Variants in ACSM3 observed in about 807,000 individuals in gnomAD.
ACSM3 encodes acyl-CoA synthetase medium chain family member 3.
Under a neutral mutation model 74.1 loss-of-function variants are expected in ACSM3, and 61 were observed. The observed-to-expected ratio is 0.82, with a 90% CI of 0.67 to 1.02. The LOEUF (loss-of-function observed/expected upper bound fraction) is 1.02, where lower values mean the gene tolerates loss of function less well. Among genes scored for constraint, ACSM3 ranks in the 50% least tolerant of loss-of-function variants. The pLI is 0.00. For synonymous variants in ACSM3, 213 were observed against 241.5 expected, an observed-to-expected ratio of 0.88 and a Z score of 1.09; for missense variants, 660 against 697.0, an observed-to-expected ratio of 0.95 and a Z score of 0.60.
upstream of ACSM3, among the ~76,000 whole-genome samples, chr16:20,761,834 T>G (rs974692039): frequency 1.3e-5 from 2 of 152,148 alleles, no homozygotes; most frequent in African/African-American, 4.8e-5. Context: ...TTAACTGGTA[T>G]ACAACCTTCC....
chr16:20,738,844 G>T (rs1418151631), intron 1 of ACSM3: 1 of 1,588,026 alleles, frequency 6.3e-7, no homozygotes, highest in Non-Finnish European at 8.6e-7. Flanking sequence ...CCCTGAGACA[G>T]GAAGATACCC....
At chr16:20,675,837 T>C (rs2152285228) in intron 1 of ACSM3, among the ~76,000 whole-genome samples, 1 of 152,268 alleles carries the variant, frequency 6.6e-6, no homozygotes, top group South Asian at 2.1e-4. Flanking sequence ...CGTTCACAGC[T>C]CACACCCAGA....
intron 1 of ACSM3, among the ~76,000 whole-genome samples, chr16:20,704,260 A>T (rs796772305): frequency 8.5e-5 from 13 of 152,314 alleles, no homozygotes; most frequent in African/African-American, 2.9e-4. Context: ...TAATCATGTA[A>T]TCTAAAACCT....
chr16:20,741,477 G>GCCGGGGGGGGGGGCGGCGC, intron 1 of ACSM3: 1 of 1,378,122 alleles, frequency 7.3e-7, no homozygotes, highest in Non-Finnish European at 9.6e-7. Flanking sequence ...AGGCCTGGCA[G>GCCGGGGGGGGGGGCGGCGC]CCGGCCCGCC....
At chr16:20,753,462 CAAAAAAAAA>C (rs36090074) in intron 2 of ACSM3, among the ~76,000 whole-genome samples, 3 of 101,616 alleles carry the variant, frequency 3.0e-5, no homozygotes, top group East Asian at 3.8e-4. Flanking sequence ...AGACTGTCTC[CAAAAAAAAA>C]AAAAAAAAAG....
At position 20,742,684 on chromosome 16, in the gene ACSM3, AG is replaced by A. The variant is rs1429380898; in HGVS notation, c.-189-7225del. Among the ~76,000 whole-genome samples, 13 of 150,648 alleles carry A rather than the reference AG, an allele frequency of 8.6e-5. No individual in the cohort carries two copies. In the South Asian group the frequency reaches 2.7e-3, roughly 32 times the overall value. On this transcript the variant is annotated intron_variant, in intron 1 of 3. Transcript: ENST00000561584. The stretch of plus-strand genomic sequence containing the variant: ...GAGCCAGGGTCCCAGGCCACACGGA[AG>A]CTTCTTGAGACCCCTCCTCCTCTGT...
intron 1 of ACSM3, among the ~76,000 whole-genome samples, chr16:20,688,071 CA>C (rs1381308743): frequency 7.1e-6 from 1 of 140,082 alleles, no homozygotes; most frequent in East Asian, 2.1e-4. Context: ...GGAGACTAAG[CA>C]AAACTCTGTC....
At chr16:20,789,495 A>G (rs1484073992) in intron 9 of ACSM3, 1 of 1,613,196 alleles carries the variant, frequency 6.2e-7, no homozygotes, top group Non-Finnish European at 8.5e-7. Flanking sequence ...CAACCAGAGA[A>G]TATTCCCCTT....
chr16:20,690,860 A>G, intron 1 of ACSM3: 1 of 796,726 alleles, frequency 1.3e-6, no homozygotes, highest in Non-Finnish European at 1.9e-6. Context: ...AGAACCTTGA[A>G]ATATAAGCTT....
intron 2 of ACSM3, 132 bp downstream of exon 2, chr16:20,770,385 C>CA (rs2080178157): frequency 1.4e-6 from 1 of 731,528 alleles, no homozygotes; most frequent in Non-Finnish European, 2.3e-6. Context: ...TGGCATCTAA[C>CA]AGGTAAAAGC....
upstream of ACSM3, among the ~76,000 whole-genome samples, chr16:20,759,789 A>G (rs1295157849): frequency 6.6e-6 from 1 of 152,176 alleles, no homozygotes; most frequent in Non-Finnish European, 1.5e-5. Flanking sequence ...GAATAGTTCT[A>G]GCAAATTAAT....
chr16:20,740,761 A>C (rs2079910939), intron 1 of ACSM3, among the ~76,000 whole-genome samples: 1 of 152,176 alleles, frequency 6.6e-6, no homozygotes, highest in Non-Finnish European at 1.5e-5. Context: ...TGATTTCCAA[A>C]CACTAAGACT....
chr16:20,731,307 G>C (rs1260798777), intron 1 of ACSM3, among the ~76,000 whole-genome samples: 3 of 152,206 alleles, frequency 2.0e-5, no homozygotes, highest in Admixed American at 2.0e-4. Context: ...GAAGGAGTAA[G>C]TGGTCATCTA....
At chr16:20,794,622 G>A (rs1390700653) in intron 12 of ACSM3, among the ~76,000 whole-genome samples, 1 of 152,184 alleles carries the variant, frequency 6.6e-6, no homozygotes, top group African/African-American at 2.4e-5. Flanking sequence ...CCCACTTATG[G>A]ATTCTGGGTT....
At chr16:20,791,981 A>T (rs1211462493) in intron 10 of ACSM3, 21 bp from the exon 11 acceptor site, 1 of 1,613,264 alleles carries the variant, frequency 6.2e-7, no homozygotes, top group East Asian at 2.2e-5. Context: ...CCATAACAAC[A>T]AAATGCTATT....
At chr16:20,755,795 C>T (rs2080026461) in intron 3 of ACSM3, among the ~76,000 whole-genome samples, 1 of 122,310 alleles carries the variant, frequency 8.2e-6, no homozygotes, top group Non-Finnish European at 1.7e-5. Flanking sequence ...CCCCCCACCC[C>T]ACAGCAGTCC....
intron 1 of ACSM3, among the ~76,000 whole-genome samples, chr16:20,705,564 T>G (rs991924667): frequency 1.3e-5 from 2 of 152,080 alleles, no homozygotes; most frequent in Non-Finnish European, 2.9e-5. Flanking sequence ...CCATGGCTGA[T>G]CCCTGAAATA....
intron 1 of ACSM3, among the ~76,000 whole-genome samples, chr16:20,686,460 G>C (rs1419375898): frequency 6.6e-6 from 1 of 151,972 alleles, no homozygotes; most frequent in Non-Finnish European, 1.5e-5. Flanking sequence ...CACACACTGG[G>C]GCCAGTCTGA....
chr16:20,772,527 G>T (rs1423232137), intron 2 of ACSM3, among the ~76,000 whole-genome samples: 2 of 152,222 alleles, frequency 1.3e-5, no homozygotes, highest in East Asian at 3.9e-4. Context: ...AGTTCGAGTT[G>T]ATTTTTGTAT....
Sources: allele counts gnomAD v4.1 joint callset (sites outside exome capture counted in the v4.1 genomes callset), GRCh38; gene constraint gnomAD v4.1.1; transcripts MANE v1.5; gene names NCBI Gene and HGNC (gene_info 2026-07-23, HGNC 2026-07-21).